SNTG1: variants seen among roughly 807,000 people sequenced by gnomAD.
SNTG1 encodes the protein syntrophin gamma 1.
SNTG1 carries 39 observed loss-of-function variants against 74.7 expected under a neutral mutation model. That is an observed-to-expected ratio of 0.52 (90% CI 0.40 to 0.68). The LOEUF (loss-of-function observed/expected upper bound fraction) is 0.68. Among genes scored for constraint, SNTG1 ranks in the 30% least tolerant of loss-of-function variants. The probability of loss-of-function intolerance (pLI) is 0.00; values close to 1 mark genes in which losing one functional copy is unlikely to be tolerated. For missense variants in SNTG1, 685 were observed against 609.5 expected, an observed-to-expected ratio of 1.12 and a Z score of -1.30; for synonymous variants, 254 against 217.1, an observed-to-expected ratio of 1.17 and a Z score of -1.49.
rs557915615 is a variant in SNTG1 at position 50,218,320 on chromosome 8, A to G, written c.-28+45685A>G. Among the ~76,000 whole-genome samples, 32 of 148,006 alleles carry G rather than the reference A, an allele frequency of 2.2e-4. No individual in the cohort carries two copies. In the East Asian group the frequency reaches 6.2e-3, roughly 29 times the overall value. On this transcript the variant is annotated intron_variant, in intron 2 of 18. Coordinates refer to ENST00000642720, the MANE Select transcript of SNTG1 (RefSeq NM_018967.5). ...CTTTGCTTCCAACAACTCCTCAATC[A>G]TTGTAAAAATTTAAGAAAAAAAATT...
At chr8:50,458,451 T>A (rs2093528627) in intron 8 of SNTG1, among the ~76,000 whole-genome samples, 2 of 152,054 alleles carry the variant, frequency 1.3e-5, no homozygotes, top group African/African-American at 4.8e-5. Flanking sequence ...GAAGGTGATA[T>A]GACAGACAAA....
intron 2 of SNTG1, among the ~76,000 whole-genome samples, chr8:50,180,505 T>G (rs2083162498): frequency 6.6e-6 from 1 of 152,168 alleles, no homozygotes; most frequent in Admixed American, 6.5e-5. Flanking sequence ...TGTTGTGAAT[T>G]TACTAAATGC....
chr8:50,161,838 C>T (rs910679405), intron 1 of SNTG1, among the ~76,000 whole-genome samples: 6 of 152,188 alleles, frequency 3.9e-5, no homozygotes, highest in Non-Finnish European at 7.4e-5. Context: ...AAAGGAAAGA[C>T]CACAAATTAG....
intron 4 of SNTG1, among the ~76,000 whole-genome samples, chr8:50,433,522 C>T (rs1043657161): frequency 2.0e-5 from 3 of 150,332 alleles, no homozygotes; most frequent in Admixed American, 2.0e-4. Context: ...TATCTCAGGC[C>T]TGTTGGGATA....
At chr8:49,922,658 A>G (rs1414131217) in intron 1 of SNTG1, among the ~76,000 whole-genome samples, 2 of 152,102 alleles carry the variant, frequency 1.3e-5, no homozygotes, top group East Asian at 1.9e-4. Flanking sequence ...TGGAATTCCT[A>G]TATCATCATC....
chr8:50,247,298 A>G (rs1272009510), intron 2 of SNTG1, among the ~76,000 whole-genome samples: 1 of 152,160 alleles, frequency 6.6e-6, no homozygotes, highest in East Asian at 1.9e-4. Context: ...ATAAAGCATC[A>G]GTGATGTTAC....
intron 8 of SNTG1, among the ~76,000 whole-genome samples, chr8:50,461,683 ATACTC>A (rs2093564052): frequency 6.6e-6 from 1 of 151,934 alleles, no homozygotes; most frequent in African/African-American, 2.4e-5. Context: ...TCACTTTTAA[ATACTC>A]TAATATAGTA....
intron 11 of SNTG1, among the ~76,000 whole-genome samples, chr8:50,539,281 A>G (rs6999951): frequency 0.037 from 5,659 of 152,146 alleles, 368 homozygotes; most frequent in African/African-American, 0.13. Flanking sequence ...TCAGATTACT[A>G]TTTAATCTGG....
rs896570716 is a variant in SNTG1 at position 50,349,937 on chromosome 8, A to G, written c.-27-44275A>G. On this transcript the variant is annotated intron_variant, in intron 2 of 18. Transcript: ENST00000642720. ...TGTGGAGTGAGAGGCGCGAGCCGGA[A>G]CCAGGGCTGCACCGCGTGCTTATGG... 2.0e-4 allele frequency among the ~76,000 whole-genome samples: 30 copies of G among 151,950 alleles called. 1 individual carries two copies. The highest frequency in any genetic ancestry group is 1.8e-3 in the Admixed American group (27 of 15,268).
intron 12 of SNTG1, among the ~76,000 whole-genome samples, chr8:50,574,190 G>C (rs2094564386): frequency 6.6e-6 from 1 of 151,926 alleles, no homozygotes; most frequent in South Asian, 2.1e-4. Flanking sequence ...GCAGCCTCAG[G>C]CATAAATAGG....
intron 2 of SNTG1, among the ~76,000 whole-genome samples, chr8:50,375,757 CA>C (rs2092365626): frequency 6.6e-6 from 1 of 151,970 alleles, no homozygotes; most frequent in Admixed American, 6.6e-5. Flanking sequence ...ACCCCCATAA[CA>C]AAAGACAGAT....
chr8:50,653,177 G>A (rs1161710949), intron 13 of SNTG1, among the ~76,000 whole-genome samples: 1 of 151,770 alleles, frequency 6.6e-6, no homozygotes, highest in Non-Finnish European at 1.5e-5. Context: ...GGCATGATGG[G>A]TCATTCTTGC....
At chr8:50,134,930 G>GA (rs2081424693) in intron 1 of SNTG1, among the ~76,000 whole-genome samples, 2 of 151,852 alleles carry the variant, frequency 1.3e-5, no homozygotes, top group African/African-American at 2.4e-5. Flanking sequence ...TATTTACAAT[G>GA]AAAAAAAGGG....
chr8:50,489,448 AC>A, intron 8 of SNTG1, among the ~76,000 whole-genome samples: 1 of 152,224 alleles, frequency 6.6e-6, no homozygotes, highest in East Asian at 1.9e-4. Flanking sequence ...CTGTTTCCTG[AC>A]CTTTTAATGA....
At chr8:49,914,107 A>G (rs924049224) in intron 1 of SNTG1, among the ~76,000 whole-genome samples, 3 of 152,110 alleles carry the variant, frequency 2.0e-5, no homozygotes, top group Admixed American at 1.3e-4. Context: ...AGTTTGGGAA[A>G]GCAACTTAAT....
At position 50,626,582 on chromosome 8, in the gene SNTG1, G is replaced by A. The variant is rs185467943; in HGVS notation, c.850-30327G>A. Among the ~76,000 whole-genome samples, 670 of 152,348 alleles carry A rather than the reference G, an allele frequency of 4.4e-3. 10 individuals are homozygous for A. Among genetic ancestry groups the A allele is most frequent in the African/African-American group, 0.015 (608 of 41,590 alleles). ...AGATTAACTAAAAGCACTCCTTACA[G>A]GAAACAAAGGAATGGGCCAAACAAA... On this transcript the variant is annotated intron_variant, in intron 13 of 18. Coordinates refer to ENST00000642720, the MANE Select transcript of SNTG1 (RefSeq NM_018967.5).
chr8:50,271,153 A>G lies in SNTG1; in HGVS notation c.-28+98518A>G, dbSNP rs531783070. Among the ~76,000 whole-genome samples the G allele has an allele frequency of 1.8e-4, 28 of 152,334 alleles. No homozygotes were observed. In the South Asian group the frequency reaches 5.8e-3, roughly 32 times the overall value. On this transcript the variant is annotated intron_variant, in intron 2 of 18. Coordinates refer to ENST00000642720, the MANE Select transcript of SNTG1 (RefSeq NM_018967.5). ...GCAAACGTGATTAAGGGAGAAGATTATAGAAGCATGTGAGAAATGGAAAGT... is the reference window on the plus strand; with the variant it reads ...GCAAACGTGATTAAGGGAGAAGATTGTAGAAGCATGTGAGAAATGGAAAGT...
chr8:50,698,586 T>C (rs10958044), intron 15 of SNTG1, among the ~76,000 whole-genome samples: 2,441 of 152,286 alleles, frequency 0.016, 39 homozygotes, highest in Middle Eastern at 0.037. Context: ...TCTTCCCTGC[T>C]TGAGCACCAG....
chr8:50,210,169 G>A (rs965047734), intron 2 of SNTG1, among the ~76,000 whole-genome samples: 19 of 152,108 alleles, frequency 1.2e-4, no homozygotes, highest in Non-Finnish European at 2.5e-4. Flanking sequence ...GAGAAGAGAA[G>A]TTTAGAGAAA....
Sources: gnomAD v4.1 joint callset for allele counts (sites outside exome capture counted in the v4.1 genomes callset) on GRCh38, gnomAD v4.1.1 for gene constraint, MANE v1.5 for transcripts, NCBI Gene and HGNC (gene_info 2026-07-23, HGNC 2026-07-21) for gene names.